PRMT3: variants seen among roughly 807,000 people sequenced by gnomAD.
PRMT3 encodes the protein protein arginine N-methyltransferase 3.
PRMT3 carries 62 observed loss-of-function variants against 71.9 expected under a neutral mutation model. The observed-to-expected ratio is 0.86, with a 90% CI of 0.70 to 1.07. PRMT3 has a LOEUF of 1.07. Ranked by LOEUF, PRMT3 falls within the 50% of genes least tolerant of loss-of-function variation. PRMT3 has a pLI of 0.00. For synonymous variants in PRMT3, 213 were observed against 220.4 expected (o/e 0.97, Z 0.30); for missense variants, 663 against 643.0 (o/e 1.03, Z -0.34).
chr11:20,468,318 C>T (rs922440571), intron 13 of PRMT3, among the ~76,000 whole-genome samples: 5 of 152,098 alleles, frequency 3.3e-5, no homozygotes, highest in African/African-American at 1.2e-4. Flanking sequence ...ATAGTTAGCC[C>T]AGTTTAAATA....
chr11:20,492,736 A>G (rs1419098304), intron 13 of PRMT3, among the ~76,000 whole-genome samples: 2 of 152,182 alleles, frequency 1.3e-5, no homozygotes, highest in South Asian at 2.1e-4. Flanking sequence ...AAAATTATGT[A>G]TTTATCTGAG....
intron 6 of PRMT3, among the ~76,000 whole-genome samples, chr11:20,397,043 C>G (rs1000200330): frequency 6.6e-6 from 1 of 152,146 alleles, no homozygotes; most frequent in African/African-American, 2.4e-5. Context: ...TACCTTTTGC[C>G]CCTTTGAACT....
intron 13 of PRMT3, 99 bp downstream of exon 13, chr11:20,464,645 C>T: frequency 6.6e-7 from 1 of 1,525,312 alleles, no homozygotes; most frequent in South Asian, 1.3e-5. Flanking sequence ...ATGAAAATGA[C>T]TATTGCCTCT....
At chr11:20,442,914 G>A (rs1482699994) in intron 10 of PRMT3, among the ~76,000 whole-genome samples, 2 of 152,024 alleles carry the variant, frequency 1.3e-5, no homozygotes, top group African/African-American at 4.8e-5. Context: ...GGGTTAATGA[G>A]GGCTGGGCAT....
chr11:20,461,385 A>G (rs1850379394), intron 11 of PRMT3, among the ~76,000 whole-genome samples: 1 of 152,188 alleles, frequency 6.6e-6, no homozygotes, highest in South Asian at 2.1e-4. Flanking sequence ...TACCTCACAA[A>G]TAACTATGCA....
intron 10 of PRMT3, among the ~76,000 whole-genome samples, chr11:20,439,136 G>A (rs1232095338): frequency 6.6e-6 from 1 of 152,196 alleles, no homozygotes; most frequent in African/African-American, 2.4e-5. Context: ...GGCACTGGGG[G>A]CAGGACAGAG....
chr11:20,420,015 T>C (rs1165955985), intron 9 of PRMT3, among the ~76,000 whole-genome samples: 3 of 152,064 alleles, frequency 2.0e-5, no homozygotes, highest in Non-Finnish European at 4.4e-5. Context: ...CTACTAAAAA[T>C]ACAAAAATTA....
At chr11:20,500,321 T>G (rs1851428150) in intron 15 of PRMT3, among the ~76,000 whole-genome samples, 1 of 152,206 alleles carries the variant, frequency 6.6e-6, no homozygotes, top group Admixed American at 6.5e-5. Flanking sequence ...ACAGTGTTAC[T>G]TCTTCATAGA....
chr11:20,441,217 T>C (rs1255074825), intron 10 of PRMT3, among the ~76,000 whole-genome samples: 7 of 151,706 alleles, frequency 4.6e-5, no homozygotes, highest in African/African-American at 1.7e-4. Flanking sequence ...GAAAATGATA[T>C]GTAGAGATCA....
intron 11 of PRMT3, among the ~76,000 whole-genome samples, chr11:20,458,010 CA>C (rs1287574268): frequency 6.6e-6 from 1 of 152,026 alleles, no homozygotes; most frequent in African/African-American, 2.4e-5. Flanking sequence ...GTCCAATTTC[CA>C]AATAAATATT....
At chr11:20,434,732 T>C (rs982242534) in intron 10 of PRMT3, among the ~76,000 whole-genome samples, 9 of 152,200 alleles carry the variant, frequency 5.9e-5, no homozygotes, top group African/African-American at 2.2e-4. Flanking sequence ...TTCTGTTCCA[T>C]TGGTCTATGT....
chr11:20,430,212 A>T (rs931199958), intron 10 of PRMT3, among the ~76,000 whole-genome samples: 29 of 151,982 alleles, frequency 1.9e-4, no homozygotes, highest in African/African-American at 6.5e-4. Flanking sequence ...ATAGTTAAGC[A>T]TTTTTTTTCT....
intron 7 of PRMT3, among the ~76,000 whole-genome samples, chr11:20,400,324 A>G (rs1304256269): frequency 6.6e-6 from 1 of 152,186 alleles, no homozygotes; most frequent in East Asian, 1.9e-4. Flanking sequence ...AATTTTAAAT[A>G]AAAGTAGCTT....
chr11:20,427,624 C>G (rs930826657), intron 10 of PRMT3, among the ~76,000 whole-genome samples: 3 of 152,036 alleles, frequency 2.0e-5, no homozygotes, highest in Non-Finnish European at 2.9e-5. Flanking sequence ...ACTTGGGAGG[C>G]TGAGGCAGGA....
intron 10 of PRMT3, among the ~76,000 whole-genome samples, chr11:20,435,700 G>C (rs931011112): frequency 6.6e-6 from 1 of 152,176 alleles, no homozygotes; most frequent in Non-Finnish European, 1.5e-5. Flanking sequence ...TTTGGTCTAT[G>C]TGTCTGCTTT....
intron 13 of PRMT3, among the ~76,000 whole-genome samples, chr11:20,485,764 A>G (rs1328195570): frequency 6.6e-6 from 1 of 152,246 alleles, no homozygotes; most frequent in African/African-American, 2.4e-5. Context: ...AGAATGTTAC[A>G]GTATTTAAAG....
intron 9 of PRMT3, among the ~76,000 whole-genome samples, chr11:20,421,261 C>T (rs1849419159): frequency 6.6e-6 from 1 of 152,144 alleles, no homozygotes. Context: ...TGGTCTTGAA[C>T]TCTTGGGCTC....
chr11:20,471,747 G>T (rs1271373892), intron 13 of PRMT3, among the ~76,000 whole-genome samples: 1 of 152,140 alleles, frequency 6.6e-6, no homozygotes, highest in Admixed American at 6.5e-5. Flanking sequence ...GATGTCCAAT[G>T]GTAGTTTAAT....
intron 15 of PRMT3, among the ~76,000 whole-genome samples, chr11:20,499,715 CTT>C (rs1346805208): frequency 1.3e-5 from 2 of 152,134 alleles, no homozygotes; most frequent in African/African-American, 4.8e-5. Context: ...AGATGATAGA[CTT>C]AAATTCACGC....
Sources: gnomAD v4.1 joint callset for allele counts (sites outside exome capture counted in the v4.1 genomes callset) on GRCh38, gnomAD v4.1.1 for gene constraint, MANE v1.5 for transcripts, NCBI Gene and HGNC (gene_info 2026-07-23, HGNC 2026-07-21) for gene names.